LPP: variants seen among roughly 807,000 people sequenced by gnomAD.
LPP encodes the protein LIM domain containing preferred translocation partner in lipoma, also known as lipoma-preferred partner.
LPP carries 38 observed loss-of-function variants against 60.4 expected under a neutral mutation model. That is an observed-to-expected ratio of 0.63 (90% CI 0.49 to 0.83). The LOEUF (loss-of-function observed/expected upper bound fraction) is 0.83, where lower values mean the gene tolerates loss of function less well. LPP is among the 40% of genes least tolerant of loss of function. The pLI is 0.00. For missense variants in LPP, 902 were observed against 783.6 expected (o/e 1.15, Z -1.80); for synonymous variants, 328 against 290.8 (o/e 1.13, Z -1.30).
At chr3:188,170,950 T>C (rs1721422194) in intron 1 of LPP, among the ~76,000 whole-genome samples, 1 of 152,200 alleles carries the variant, frequency 6.6e-6, no homozygotes, top group African/African-American at 2.4e-5. Context: ...TGCCATATCA[T>C]GGGAGATTTC....
At chr3:188,249,083 T>A (rs1401166533) in intron 2 of LPP, among the ~76,000 whole-genome samples, 2 of 152,150 alleles carry the variant, frequency 1.3e-5, no homozygotes, top group Non-Finnish European at 2.9e-5. Flanking sequence ...ATGGAATTGC[T>A]TTCCATATTA....
intron 1 of LPP, among the ~76,000 whole-genome samples, chr3:188,164,892 C>T (rs761706105): frequency 6.6e-5 from 10 of 151,930 alleles, no homozygotes; most frequent in South Asian, 2.1e-4. Flanking sequence ...CTCTGGGTTT[C>T]GACGATGGAA....
chr3:188,281,183 T>C (rs890629718), intron 2 of LPP, among the ~76,000 whole-genome samples: 2 of 152,170 alleles, frequency 1.3e-5, no homozygotes, highest in African/African-American at 4.8e-5. Context: ...CTACTGTTTG[T>C]AGGAAGACAT....
intron 7 of LPP, among the ~76,000 whole-genome samples, chr3:188,669,632 T>C (rs1467198637): frequency 2.0e-5 from 3 of 152,086 alleles, no homozygotes; most frequent in Non-Finnish European, 4.4e-5. Flanking sequence ...ATGGAGATGA[T>C]GTGGAGAAAT....
chr3:188,781,289 AAG>A (rs1739562282), intron 9 of LPP, among the ~76,000 whole-genome samples: 1 of 152,216 alleles, frequency 6.6e-6, no homozygotes. Flanking sequence ...ACTGGAAGGA[AAG>A]AGACTGGATG....
At chr3:188,605,416 G>T (rs1001934962) in intron 6 of LPP, among the ~76,000 whole-genome samples, 1 of 152,108 alleles carries the variant, frequency 6.6e-6, no homozygotes, top group African/African-American at 2.4e-5. Flanking sequence ...CTGGGTGGAT[G>T]AGAAAACCAA....
chr3:188,645,897 G>A (rs953969726), intron 7 of LPP, among the ~76,000 whole-genome samples: 4 of 151,184 alleles, frequency 2.6e-5, no homozygotes, highest in African/African-American at 9.7e-5. Context: ...GAAAAAAAAT[G>A]TTTATAATCA....
intron 4 of LPP, among the ~76,000 whole-genome samples, chr3:188,475,796 G>A (rs1296045966): frequency 6.6e-6 from 1 of 152,096 alleles, no homozygotes; most frequent in African/African-American, 2.4e-5. Flanking sequence ...CCAGCTACTC[G>A]GGAGGCTGAG....
At chr3:188,337,692 G>A (rs1003170594) in intron 2 of LPP, among the ~76,000 whole-genome samples, 2 of 152,088 alleles carry the variant, frequency 1.3e-5, no homozygotes, top group Non-Finnish European at 2.9e-5. Flanking sequence ...TAGCAATGGG[G>A]TTTCCCTATG....
intron 4 of LPP, among the ~76,000 whole-genome samples, chr3:188,449,465 A>G (rs1796091412): frequency 6.6e-6 from 1 of 152,172 alleles, no homozygotes; most frequent in Admixed American, 6.5e-5. Flanking sequence ...CACTTCCCAT[A>G]TGCTAGGCTC....
intron 7 of LPP, among the ~76,000 whole-genome samples, chr3:188,672,794 G>C (rs540856919): frequency 6.6e-6 from 1 of 152,194 alleles, no homozygotes; most frequent in African/African-American, 2.4e-5. Flanking sequence ...TGCTCCTGGA[G>C]CTGCTGCCAA....
At chr3:188,794,085 A>G (rs1744622893) in intron 9 of LPP, among the ~76,000 whole-genome samples, 1 of 152,226 alleles carries the variant, frequency 6.6e-6, no homozygotes. Context: ...ATTACATTTT[A>G]TTCCCTGCAG....
rs71169023 is a variant in LPP, at chr3:188,841,393, G to GTTTTTTTT, written c.1411-24797_1411-24790dup. Among the ~76,000 whole-genome samples, 594 of 112,812 alleles carry GTTTTTTTT rather than the reference G, an allele frequency of 5.3e-3. 31 individuals carry two copies. Among genetic ancestry groups the GTTTTTTTT allele is most frequent in the East Asian group, 0.021 (62 of 3,016 alleles). The allele number at this position is 112,812 out of a possible 152,430, so 74.0% of individuals were successfully genotyped here. The stretch of plus-strand genomic sequence containing the variant: ...TTGGTCACCTGCCCTTTCTGAATTT[G>GTTTTTTTT]TTTTTTTTTTTTTTTTTGAGATGGA... On this transcript the variant is annotated intron_variant, in intron 9 of 11. Coordinates refer to ENST00000617246, the MANE Select transcript of LPP (RefSeq NM_001375462.1).
intron 2 of LPP, among the ~76,000 whole-genome samples, chr3:188,255,402 T>C (rs1022283805): frequency 2.6e-5 from 4 of 152,184 alleles, no homozygotes; most frequent in African/African-American, 7.2e-5. Context: ...AAATTGGTGC[T>C]TTTCCTCTAT....
chr3:188,698,952 A>T (rs1863838442), intron 7 of LPP, among the ~76,000 whole-genome samples: 1 of 152,206 alleles, frequency 6.6e-6, no homozygotes, highest in Non-Finnish European at 1.5e-5. Flanking sequence ...CAGATGGAAA[A>T]GTGGAGAGTT....
upstream of LPP, chr3:188,153,677 G>C (rs1236966626): frequency 1.3e-5 from 2 of 152,252 alleles, no homozygotes; most frequent in East Asian, 3.9e-4. Context: ...CCCACCTTTT[G>C]GCAAAGCCAC....
At chr3:188,226,518 G>C (rs1717825714) in intron 2 of LPP, among the ~76,000 whole-genome samples, 1 of 152,120 alleles carries the variant, frequency 6.6e-6, no homozygotes, top group South Asian at 2.1e-4. Flanking sequence ...GGGTAGAGTA[G>C]AACATTATGT....
chr3:188,714,225 G>T (rs934346108), intron 8 of LPP, among the ~76,000 whole-genome samples: 3 of 152,158 alleles, frequency 2.0e-5, no homozygotes, highest in Admixed American at 1.3e-4. Flanking sequence ...TGTTCCTGCT[G>T]AATGTTAGTA....
At chr3:188,854,186 G>A (rs1297796479) in intron 9 of LPP, among the ~76,000 whole-genome samples, 1 of 152,196 alleles carries the variant, frequency 6.6e-6, no homozygotes, top group Non-Finnish European at 1.5e-5. Flanking sequence ...TTGTCTTTAA[G>A]CAGTTATAGA....
Sources: allele counts gnomAD v4.1 joint callset (sites outside exome capture counted in the v4.1 genomes callset), GRCh38; gene constraint gnomAD v4.1.1; transcripts MANE v1.5; gene names NCBI Gene and HGNC (gene_info 2026-07-23, HGNC 2026-07-21).